Variants in NDUFS4 observed in about 807,000 individuals in gnomAD.
NDUFS4 encodes NADH:ubiquinone oxidoreductase subunit S4, also known as NADH dehydrogenase [ubiquinone] iron-sulfur protein 4, mitochondrial.
Under a neutral mutation model 24.3 loss-of-function variants are expected in NDUFS4, and 28 were observed. That is an observed-to-expected ratio of 1.15 (90% CI 0.85 to 1.58). The LOEUF (loss-of-function observed/expected upper bound fraction) is 1.58, where lower values mean the gene tolerates loss of function less well. Ranked by LOEUF, NDUFS4 falls within the 40% of genes most tolerant of loss-of-function variation. NDUFS4 has a pLI of 0.00. For synonymous variants in NDUFS4, 93 were observed against 69.7 expected (o/e 1.34, Z -1.67); for missense variants, 223 against 207.9 (o/e 1.07, Z -0.45).
chr5:53,585,941 C>A (rs1158976334), intron 1 of NDUFS4, among the ~76,000 whole-genome samples: 1 of 152,036 alleles, frequency 6.6e-6, no homozygotes, highest in African/African-American at 2.4e-5. Context: ...TTGCCAAGTA[C>A]ATTAAATTTG....
intron 4 of NDUFS4, among the ~76,000 whole-genome samples, chr5:53,670,262 G>A (rs1392561176): frequency 1.3e-5 from 2 of 151,650 alleles, no homozygotes; most frequent in Non-Finnish European, 2.9e-5. Context: ...CAAGTCCAAT[G>A]GTTTTCCTGG....
chr5:53,626,304 G>T (rs1349832802), intron 2 of NDUFS4, among the ~76,000 whole-genome samples: 2 of 152,132 alleles, frequency 1.3e-5, no homozygotes, highest in African/African-American at 4.8e-5. Context: ...CATTTGGGTT[G>T]GTTCCAAGTC....
At chr5:53,682,503 C>A (rs1697032162) in intron 4 of NDUFS4, among the ~76,000 whole-genome samples, 1 of 149,524 alleles carries the variant, frequency 6.7e-6, no homozygotes, top group Non-Finnish European at 1.5e-5. Context: ...GTACTCCCAT[C>A]TGAGTCCAAT....
intron 2 of NDUFS4, among the ~76,000 whole-genome samples, chr5:53,623,676 C>T (rs1179402296): frequency 2.0e-5 from 3 of 152,088 alleles, no homozygotes; most frequent in African/African-American, 7.2e-5. Context: ...CAAAGTTTTA[C>T]AGTTTTAGCT....
intron 2 of NDUFS4, among the ~76,000 whole-genome samples, chr5:53,640,758 A>C (rs1020446295): frequency 2.0e-5 from 3 of 152,106 alleles, no homozygotes; most frequent in Non-Finnish European, 4.4e-5. Flanking sequence ...TTTTAACATG[A>C]AATTTGGAGG....
At chr5:53,592,183 C>T (rs1579846890) in intron 1 of NDUFS4, among the ~76,000 whole-genome samples, 1 of 152,226 alleles carries the variant, frequency 6.6e-6, no homozygotes, top group African/African-American at 2.4e-5. Flanking sequence ...ACCTCCTGAC[C>T]TCAAGTGATC....
intron 3 of NDUFS4, among the ~76,000 whole-genome samples, chr5:53,648,065 A>AT (rs1406319711): frequency 6.6e-6 from 1 of 152,234 alleles, no homozygotes; most frequent in Non-Finnish European, 1.5e-5. Context: ...GTGTTATAAA[A>AT]TTAAGAGAAC....
At chr5:53,639,160 A>AT (rs942147116) in intron 2 of NDUFS4, among the ~76,000 whole-genome samples, 17 of 151,396 alleles carry the variant, frequency 1.1e-4, no homozygotes, top group African/African-American at 2.2e-4. Flanking sequence ...CCTTTATTGC[A>AT]TTTTTTTTGT....
At chr5:53,655,322 G>A (rs1030491242) in intron 3 of NDUFS4, among the ~76,000 whole-genome samples, 5 of 151,116 alleles carry the variant, frequency 3.3e-5, no homozygotes, top group African/African-American at 9.7e-5. Context: ...CCTTCCAGAG[G>A]TAACCACCGT....
chr5:53,583,995 A>G (rs976348971), intron 1 of NDUFS4, among the ~76,000 whole-genome samples: 7 of 152,232 alleles, frequency 4.6e-5, no homozygotes, highest in African/African-American at 1.7e-4. Flanking sequence ...CAATGAAAAC[A>G]GAAGTATCTG....
At chr5:53,622,488 T>G (rs553600425) in intron 2 of NDUFS4, among the ~76,000 whole-genome samples, 1 of 152,182 alleles carries the variant, frequency 6.6e-6, no homozygotes, top group South Asian at 2.1e-4. Context: ...TTGTCATATC[T>G]CTTCTCATAA....
intron 4 of NDUFS4, 177 bp downstream of exon 4, chr5:53,658,801 A>AAC (rs1561391497): frequency 1.7e-6 from 1 of 588,434 alleles, no homozygotes; most frequent in Non-Finnish European, 3.0e-6. Context: ...AAAAAAAAAA[A>AAC]AAACCTAAAT....
chr5:53,594,792 A>T (rs1226693415), intron 1 of NDUFS4, among the ~76,000 whole-genome samples: 1 of 152,088 alleles, frequency 6.6e-6, no homozygotes, highest in Non-Finnish European at 1.5e-5. Context: ...TATTAAAACA[A>T]ACCTCTTTTA....
chr5:53,594,225 G>A (rs1750061947), intron 1 of NDUFS4, among the ~76,000 whole-genome samples: 1 of 152,056 alleles, frequency 6.6e-6, no homozygotes, highest in Non-Finnish European at 1.5e-5. Context: ...TTCTTGTTAG[G>A]TACATACACA....
At chr5:53,630,231 G>A (rs1390436144) in intron 2 of NDUFS4, among the ~76,000 whole-genome samples, 2 of 152,174 alleles carry the variant, frequency 1.3e-5, no homozygotes, top group African/African-American at 2.4e-5. Flanking sequence ...GGCTTGTAGG[G>A]TTTCTGCTGA....
intron 4 of NDUFS4, among the ~76,000 whole-genome samples, chr5:53,673,314 A>G (rs917234721): frequency 2.6e-5 from 4 of 152,196 alleles, no homozygotes; most frequent in African/African-American, 9.6e-5. Context: ...ACAAAATGAA[A>G]GAATGTATCT....
intron 1 of NDUFS4, among the ~76,000 whole-genome samples, chr5:53,590,084 T>G (rs1027469582): frequency 2.6e-5 from 4 of 152,198 alleles, no homozygotes; most frequent in African/African-American, 9.7e-5. Flanking sequence ...TTGAGGAATA[T>G]AGAGAATTAC....
chr5:53,596,423 A>G (rs754293574), intron 1 of NDUFS4, among the ~76,000 whole-genome samples: 3 of 152,166 alleles, frequency 2.0e-5, no homozygotes, highest in Non-Finnish European at 4.4e-5. Flanking sequence ...ATAAAGCCAT[A>G]TCCTGTGTCA....
chr5:53,632,111 G>A (rs1455797602), intron 2 of NDUFS4, among the ~76,000 whole-genome samples: 1 of 152,318 alleles, frequency 6.6e-6, no homozygotes, highest in East Asian at 1.9e-4. Flanking sequence ...CCCATCTTCT[G>A]CATCAGTCTT....
Sources: allele counts gnomAD v4.1 joint callset (sites outside exome capture counted in the v4.1 genomes callset), GRCh38; gene constraint gnomAD v4.1.1; transcripts MANE v1.5; gene names NCBI Gene and HGNC (gene_info 2026-07-23, HGNC 2026-07-21).